CHRNA5: variants seen among roughly 807,000 people sequenced by gnomAD.
CHRNA5 encodes the protein neuronal acetylcholine receptor subunit alpha-5.
A neutral mutation model predicts 41.2 loss-of-function variants in CHRNA5; 28 were observed. The ratio of observed to expected loss-of-function variants is 0.68; its 90% confidence interval spans 0.50 to 0.93. CHRNA5 has a LOEUF of 0.93. CHRNA5 is among the 40% of genes least tolerant of loss of function. The probability of loss-of-function intolerance (pLI) is 0.00; values close to 1 mark genes in which losing one functional copy is unlikely to be tolerated. For missense variants in CHRNA5, 481 were observed against 581.9 expected, an observed-to-expected ratio of 0.83 and a Z score of 1.78; for synonymous variants, 188 against 205.8, an observed-to-expected ratio of 0.91 and a Z score of 0.74.
intron 2 of CHRNA5, among the ~76,000 whole-genome samples, chr15:78,582,137 T>C (rs1029668296): frequency 6.6e-6 from 1 of 152,316 alleles, no homozygotes; most frequent in Non-Finnish European, 1.5e-5. Flanking sequence ...CTGTGTGTGC[T>C]CAGCCCTTAG....
rs1278254416 is a variant in CHRNA5, at chr15:78,566,874, A to G, written c.106+1049A>G. 4.6e-5 allele frequency among the ~76,000 whole-genome samples: 7 copies of G among 152,342 alleles called. No individual in the cohort carries two copies. In the South Asian group the frequency reaches 1.2e-3, roughly 27 times the overall value. ...AGTTAAACAGAAAGAAAGGAATGTG[A>G]TTTTGGAGCCAGGCAAACCTGTATT... is the stretch of plus-strand genomic sequence containing the variant. On this transcript the variant is annotated intron_variant, in intron 1 of 5. Coordinates refer to ENST00000299565, the Ensembl canonical transcript of CHRNA5.
At chr15:78,574,802 A>G (rs2052842175) in intron 1 of CHRNA5, among the ~76,000 whole-genome samples, 1 of 151,998 alleles carries the variant, frequency 6.6e-6, no homozygotes, top group Non-Finnish European at 1.5e-5. Context: ...CAACATGGCA[A>G]AACCCTGTCT....
chr15:78,572,684 T>C (rs73463077), intron 1 of CHRNA5, among the ~76,000 whole-genome samples: 5,977 of 152,152 alleles, frequency 0.039, 356 homozygotes, highest in African/African-American at 0.12. Context: ...AGTTTCTCCA[T>C]GTTGGTCATA....
chr15:78,583,134 G>A (rs2052928634), intron 2 of CHRNA5, among the ~76,000 whole-genome samples: 1 of 151,774 alleles, frequency 6.6e-6, no homozygotes, highest in Non-Finnish European at 1.5e-5. Flanking sequence ...CCTTGTATCT[G>A]TCCCAGAACC....
chr15:78,580,781 T>C, intron 1 of CHRNA5, 30 bp from the exon 2 acceptor site: 1 of 1,579,306 alleles, frequency 6.3e-7, no homozygotes, highest in Non-Finnish European at 8.7e-7. Context: ...GAGAAGCGAG[T>C]ACATTAACTT....
At chr15:78,569,839 G>A (rs1032827783) in intron 1 of CHRNA5, among the ~76,000 whole-genome samples, 1 of 150,522 alleles carries the variant, frequency 6.6e-6, no homozygotes, top group Admixed American at 6.6e-5. Flanking sequence ...TTTTTTTCTT[G>A]AGACAGAGTC....
rs77487352 is a variant in CHRNA5, at chr15:78,581,621, G to A, written c.258+659G>A. ...TGTATGTTTTAAAATAACATTTATAGATGTGCTTTATGTTCTGATTACAGA... is the reference window on the plus strand; with the variant it reads ...TGTATGTTTTAAAATAACATTTATAAATGTGCTTTATGTTCTGATTACAGA... On this transcript the variant is annotated intron_variant, in intron 2 of 5. Coordinates refer to ENST00000299565, the Ensembl canonical transcript of CHRNA5. Among the ~76,000 whole-genome samples the A allele has an allele frequency of 9.3e-3, 1,410 of 152,194 alleles. 144 individuals are homozygous for A. In the East Asian group the frequency reaches 0.24, roughly 26 times the overall value.
intron 2 of CHRNA5, among the ~76,000 whole-genome samples, chr15:78,584,541 A>G (rs1370496370): frequency 6.6e-6 from 1 of 152,320 alleles, no homozygotes; most frequent in East Asian, 1.9e-4. Flanking sequence ...CCTTATGGTA[A>G]TGGCTAACCA....
rs560405970 is a variant in CHRNA5 at position 78,580,140 on chromosome 15, C to T, written c.107-671C>T. Reference sequence around the variant, plus strand: ...ACTAAAAATACAAAAATTAGCCAGGCGTGGTGGTGGATACCTGTAGTCTCA... The same window carrying T: ...ACTAAAAATACAAAAATTAGCCAGGTGTGGTGGTGGATACCTGTAGTCTCA... On this transcript the variant is annotated intron_variant, in intron 1 of 5. Transcript: ENST00000299565. Among the ~76,000 whole-genome samples, 6 of 151,602 alleles carry T rather than the reference C, an allele frequency of 4.0e-5. No individual in the cohort carries two copies. The East Asian group carries it at 5.8e-4, about 15-fold the overall frequency.
chr15:78,592,986 T>TG, intron 5 of CHRNA5, 106 bp from the exon 6 acceptor site: 1 of 1,373,614 alleles, frequency 7.3e-7, no homozygotes, highest in Non-Finnish European at 9.9e-7. Context: ...GAGGCAGCAA[T>TG]GGGAGGCAGA....
chr15:78,576,876 C>T (rs1756749859), intron 1 of CHRNA5, among the ~76,000 whole-genome samples: 1 of 151,530 alleles, frequency 6.6e-6, no homozygotes, highest in Admixed American at 6.6e-5. Flanking sequence ...AAAAAGTGTT[C>T]ATTTTGAATA....
At chr15:78,592,088 C>T (rs1411043956) in intron 5 of CHRNA5, among the ~76,000 whole-genome samples, 1 of 152,142 alleles carries the variant, frequency 6.6e-6, no homozygotes, top group Admixed American at 6.5e-5. Context: ...CTTTGGGAGG[C>T]TGAGGCAGGT....
In CHRNA5 at chr15:78,592,995, G is replaced by A. The variant is rs2053035135; in HGVS notation, c.1246-97G>A. The A allele has an allele frequency of 4.1e-6, 6 of 1,461,154 alleles. No individual in the cohort carries two copies. The Admixed American group carries it at 1.1e-4, about 26-fold the overall frequency. 90.5% of individuals were successfully genotyped at this position (1,461,154 alleles called of 1,614,324 possible). A position where few individuals can be genotyped will look rare whatever the true frequency, so the allele number is the denominator to read the frequency against. On this transcript the variant is annotated intron_variant, in intron 5 of 5. Coordinates refer to ENST00000299565, the Ensembl canonical transcript of CHRNA5. ...CGTTTAGAGGCAGCAATGGGAGGCA[G>A]AAATCGATTTGGCTTCTAACTCAGT...
intron 1 of CHRNA5, among the ~76,000 whole-genome samples, chr15:78,577,605 C>T (rs1410570883): frequency 6.6e-6 from 1 of 152,050 alleles, no homozygotes; most frequent in Non-Finnish European, 1.5e-5. Context: ...TAGTTTTTCC[C>T]CCACTCAGGC....
intron 2 of CHRNA5, among the ~76,000 whole-genome samples, chr15:78,583,181 G>GT (rs1329217256): frequency 6.6e-6 from 1 of 152,192 alleles, no homozygotes; most frequent in African/African-American, 2.4e-5. Context: ...TGCTGAATGA[G>GT]TGAGAGACCT....
chr15:78,594,326 CTT>C (rs1453301045), exon 6 of CHRNA5: 2 of 152,130 alleles, frequency 1.3e-5, no homozygotes, highest in African/African-American at 4.8e-5. Context: ...GGTAGTATCT[CTT>C]TATCCTTGAT....
At chr15:78,590,921 C>T (rs1290256527) in intron 5 of CHRNA5, 2 of 363,046 alleles carry the variant, frequency 5.5e-6, no homozygotes, top group African/African-American at 2.1e-5. Context: ...AGGAATAATC[C>T]TGCCATATTT....
intron 1 of CHRNA5, among the ~76,000 whole-genome samples, chr15:78,577,722 C>G (rs2052871596): frequency 6.6e-6 from 1 of 152,018 alleles, no homozygotes; most frequent in South Asian, 2.1e-4. Flanking sequence ...CGCTTGAGCT[C>G]AGGAGTTCAA....
At chr15:78,568,284 A>C (rs958390039) in intron 1 of CHRNA5, among the ~76,000 whole-genome samples, 1 of 152,154 alleles carries the variant, frequency 6.6e-6, no homozygotes, top group African/African-American at 2.4e-5. Flanking sequence ...ATTAAAGTAT[A>C]ATGAACTAGT....
Sources: gnomAD v4.1 joint callset for allele counts (sites outside exome capture counted in the v4.1 genomes callset) on GRCh38, gnomAD v4.1.1 for gene constraint, MANE v1.5 for transcripts, NCBI Gene and HGNC (gene_info 2026-07-23, HGNC 2026-07-21) for gene names.